The following CNGA1 variants were observed in gnomAD, a reference collection of about 807,000 sequenced individuals.
CNGA1 encodes the protein cyclic nucleotide-gated channel alpha-1.
In CNGA1, 53 loss-of-function variants were observed where a neutral mutation model predicts 69.7. That is an observed-to-expected ratio of 0.76 (90% confidence interval 0.61 to 0.96). CNGA1 has a LOEUF of 0.96. Ranked by LOEUF, CNGA1 falls within the 40% of genes least tolerant of loss-of-function variation. CNGA1 has a pLI of 0.00. For missense variants in CNGA1, 739 were observed against 811.2 expected, an observed-to-expected ratio of 0.91 and a Z score of 1.08; for synonymous variants, 249 against 283.5, an observed-to-expected ratio of 0.88 and a Z score of 1.22.
intron 3 of CNGA1, among the ~76,000 whole-genome samples, chr4:47,967,073 C>T (rs1308387429): frequency 1.3e-5 from 2 of 151,892 alleles, no homozygotes; most frequent in Admixed American, 6.6e-5. Context: ...GAGGCTGAGG[C>T]GGGTGGATCA....
At chr4:47,945,741 G>A (rs575244205) in intron 6 of CNGA1, among the ~76,000 whole-genome samples, 1 of 152,170 alleles carries the variant, frequency 6.6e-6, no homozygotes, top group Non-Finnish European at 1.5e-5. Flanking sequence ...GTATATAATT[G>A]TATAAAATCA....
At chr4:47,957,952 T>C (rs1740190228) in intron 3 of CNGA1, among the ~76,000 whole-genome samples, 1 of 149,204 alleles carries the variant, frequency 6.7e-6, no homozygotes, top group African/African-American at 2.5e-5. Flanking sequence ...TGGAGTGCAG[T>C]GGCGGGATCT....
At chr4:47,974,410 C>T (rs1319951286) in intron 3 of CNGA1, among the ~76,000 whole-genome samples, 1 of 152,100 alleles carries the variant, frequency 6.6e-6, no homozygotes, top group Admixed American at 6.6e-5. Context: ...TGTGTCAGCA[C>T]CTTTGCCTTA....
intron 2 of CNGA1, among the ~76,000 whole-genome samples, chr4:47,991,760 A>G (rs321627): frequency 0.82 from 124,033 of 152,140 alleles, 51,064 homozygotes; most frequent in Non-Finnish European, 0.88. Context: ...GTCTAGAAGG[A>G]TTTTTTCAAT....
At chr4:47,961,287 C>T (rs1460170047) in intron 3 of CNGA1, among the ~76,000 whole-genome samples, 1 of 152,186 alleles carries the variant, frequency 6.6e-6, no homozygotes, top group African/African-American at 2.4e-5. Context: ...CACATCCTTC[C>T]ATCAAGAAAC....
At chr4:48,016,044 C>T (rs1715360311) in intron 1 of CNGA1, among the ~76,000 whole-genome samples, 1 of 152,206 alleles carries the variant, frequency 6.6e-6, no homozygotes, top group South Asian at 2.1e-4. Flanking sequence ...AATGTGCCTG[C>T]ATATGTATGG....
chr4:47,993,101 T>G (rs988560671), intron 2 of CNGA1, among the ~76,000 whole-genome samples: 2 of 152,176 alleles, frequency 1.3e-5, no homozygotes, highest in Non-Finnish European at 2.9e-5. Context: ...GCTAGTATTT[T>G]GTTAATTTTA....
intron 3 of CNGA1, among the ~76,000 whole-genome samples, chr4:47,980,472 CT>C (rs5858098): frequency 0.66 from 73,981 of 111,776 alleles, 23,274 homozygotes; most frequent in Non-Finnish European, 0.69. Flanking sequence ...TTCTTTCTTT[CT>C]TTTTTTTTTT....
At position 47,936,740 on chromosome 4, in the gene CNGA1, A is replaced by G; in HGVS notation, c.1742T>C (p.Leu581Pro). ...CLSKDDLMEA[L>P]TEYPDAKTML... ...AGTTTTGGCATCTGGGTACTCAGTT[A>G]GAGCTTCCATGAGGTCATCTTTTGA... is the stretch of plus-strand genomic sequence containing the variant. Residue 581 changes from leucine to proline, a missense_variant, in exon 11 of 11, where the codon CTA (leucine) becomes CCA (proline). By Grantham distance (98) the Leu-to-Pro change is moderately conservative. Transcript: ENST00000514170. 1.2e-6 allele frequency: 2 copies of G among 1,614,150 alleles called. No individual in the cohort carries two copies. Among genetic ancestry groups the G allele is most frequent in the Non-Finnish European group, 1.7e-6 (2 of 1,180,006 alleles).
chr4:47,963,250 C>T (rs1188396131), intron 3 of CNGA1, among the ~76,000 whole-genome samples: 4 of 152,240 alleles, frequency 2.6e-5, no homozygotes, highest in Non-Finnish European at 5.9e-5. Flanking sequence ...CACGCCAAGC[C>T]AATAACTGGA....
chr4:47,968,535 T>G (rs949087817), intron 3 of CNGA1, among the ~76,000 whole-genome samples: 8 of 152,074 alleles, frequency 5.3e-5, no homozygotes, highest in African/African-American at 1.9e-4. Context: ...ACAAAAGTGT[T>G]AGTAATGTCA....
chr4:48,014,666 G>A (rs867641586), intron 1 of CNGA1, among the ~76,000 whole-genome samples: 2 of 152,166 alleles, frequency 1.3e-5, no homozygotes, highest in African/African-American at 4.8e-5. Flanking sequence ...GCTGTAAAGT[G>A]GGGGTAGTAG....
intron 2 of CNGA1, among the ~76,000 whole-genome samples, chr4:47,984,277 T>C (rs1206026344): frequency 3.3e-5 from 5 of 152,186 alleles, no homozygotes; most frequent in Admixed American, 6.5e-5. Context: ...TTTACCTGCA[T>C]ACAAATGCAA....
chr4:47,977,264 A>T (rs1717181002), intron 3 of CNGA1, among the ~76,000 whole-genome samples: 1 of 152,140 alleles, frequency 6.6e-6, no homozygotes, highest in African/African-American at 2.4e-5. Flanking sequence ...AGAAGAGGAA[A>T]CGTGGACATA....
At chr4:47,974,071 GATAGATAGATAGATAGATAGATAGA>G (rs1741202959) in intron 3 of CNGA1, among the ~76,000 whole-genome samples, 1 of 49,378 alleles carries the variant, frequency 2.0e-5, no homozygotes, top group African/African-American at 5.0e-5. Context: ...CTGGTCTCTA[GATAGATAGATAGATAGATAGATAGA>G]TAGATAGATA....
intron 3 of CNGA1, among the ~76,000 whole-genome samples, chr4:47,981,183 T>C (rs553618814): frequency 1.3e-5 from 2 of 152,354 alleles, no homozygotes; most frequent in South Asian, 2.1e-4. Context: ...TATTTTGTGA[T>C]ATTCAGATTA....
chr4:48,009,738 A>C (rs541772900), intron 2 of CNGA1, among the ~76,000 whole-genome samples: 1 of 152,258 alleles, frequency 6.6e-6, no homozygotes, highest in East Asian at 1.9e-4. Flanking sequence ...CAAGAGACAG[A>C]GGTTGTATTC....
At chr4:47,992,385 T>C (rs939202416) in intron 2 of CNGA1, among the ~76,000 whole-genome samples, 1 of 152,090 alleles carries the variant, frequency 6.6e-6, no homozygotes, top group African/African-American at 2.4e-5. Context: ...TTTCAACTCT[T>C]TGGTTAGGTA....
chr4:47,952,302 AGGTTGCAGT>A (rs1739792264), intron 4 of CNGA1, among the ~76,000 whole-genome samples: 1 of 152,136 alleles, frequency 6.6e-6, no homozygotes, highest in Admixed American at 6.6e-5. Context: ...CAGAAGGCAG[AGGTTGCAGT>A]GAGCTGAGAT....
Sources: allele counts gnomAD v4.1 joint callset (sites outside exome capture counted in the v4.1 genomes callset), GRCh38; gene constraint gnomAD v4.1.1; transcripts MANE v1.5; gene names NCBI Gene and HGNC (gene_info 2026-07-23, HGNC 2026-07-21).